EYA1: variants seen among roughly 807,000 people sequenced by gnomAD.
EYA1 encodes EYA transcriptional coactivator and phosphatase 1, also known as protein phosphatase EYA1.
A neutral mutation model predicts 82.0 loss-of-function variants in EYA1; 16 were observed. The observed-to-expected ratio is 0.20, with a 90% CI of 0.13 to 0.30. EYA1 has a LOEUF of 0.30. Among genes scored for constraint, EYA1 ranks in the 10% least tolerant of loss-of-function variants. The pLI, the probability that EYA1 is intolerant of heterozygous loss-of-function variation, is 1.00. For missense variants in EYA1, 633 were observed against 730.7 expected (o/e 0.87, Z 1.54); for synonymous variants, 261 against 264.4 (o/e 0.99, Z 0.12).
At chr8:71,357,141 G>A (rs1271552315) in intron 1 of EYA1, among the ~76,000 whole-genome samples, 1 of 152,196 alleles carries the variant, frequency 6.6e-6, no homozygotes, top group Non-Finnish European at 1.5e-5. Context: ...TCACTCCACT[G>A]AACAATGTGC....
At chr8:71,202,962 C>T (rs1347379958) in intron 17 of EYA1, among the ~76,000 whole-genome samples, 1 of 152,142 alleles carries the variant, frequency 6.6e-6, no homozygotes, top group African/African-American at 2.4e-5. Flanking sequence ...AGATTTTATG[C>T]ATTTATAAAA....
chr8:71,393,445 CT>C (rs1250029501), intron 2 of EYA1, among the ~76,000 whole-genome samples: 7 of 152,178 alleles, frequency 4.6e-5, no homozygotes, highest in African/African-American at 7.2e-5. Context: ...TCCCTCCCCC[CT>C]CCAACCACTC....
intron 10 of EYA1, among the ~76,000 whole-genome samples, chr8:71,271,259 T>C (rs1816497393): frequency 6.6e-6 from 1 of 152,246 alleles, no homozygotes; most frequent in Admixed American, 6.5e-5. Context: ...CTCTATCCCT[T>C]CAAGCATTTG....
chr8:71,517,059 T>G (rs1199221069), intron 2 of EYA1, among the ~76,000 whole-genome samples: 1 of 152,118 alleles, frequency 6.6e-6, no homozygotes, highest in Non-Finnish European at 1.5e-5. Flanking sequence ...TCAGTGCTCA[T>G]AGTTGGCCCC....
intron 2 of EYA1, among the ~76,000 whole-genome samples, chr8:71,534,430 T>C (rs1445096828): frequency 6.6e-6 from 1 of 152,238 alleles, no homozygotes; most frequent in Non-Finnish European, 1.5e-5. Context: ...ATCCATAAAA[T>C]ACACTCTGTA....
At chr8:71,470,928 T>C (rs1039044237) in intron 2 of EYA1, 8 of 452,014 alleles carry the variant, frequency 1.8e-5, no homozygotes, top group Non-Finnish European at 2.7e-5. Context: ...GCAGTGCCAA[T>C]GGGCTTTAAA....
At chr8:71,456,788 A>T (rs1022867559) in intron 2 of EYA1, among the ~76,000 whole-genome samples, 5 of 152,198 alleles carry the variant, frequency 3.3e-5, no homozygotes. Flanking sequence ...TAAAGGTTTG[A>T]CCTAAAACCA....
intron 2 of EYA1, among the ~76,000 whole-genome samples, chr8:71,458,149 T>A (rs2129186759): frequency 6.6e-6 from 1 of 152,290 alleles, no homozygotes; most frequent in South Asian, 2.1e-4. Flanking sequence ...AAATAGAATT[T>A]GACTTATATA....
Position 71,216,809 on chromosome 8 carries a change from T to C in EYA1, c.1243A>G (p.Ser415Gly). The stretch of plus-strand genomic sequence containing the variant: ...CCAGTTGCCAAACATAAGTTAGCAC[T>C]GGTTGCTGCAGCAGGAAAGCCATCT... Reference protein sequence around the residue: ...GTDGFPAAATSANLCLATGVR... With the variant: ...GTDGFPAAATGANLCLATGVR... The change falls in exon 14 of 18, where the codon AGT becomes GGT. Residue 415 changes from serine to glycine, a missense_variant. Ser to Gly is a moderately conservative substitution (Grantham distance 56, BLOSUM62 0). Coordinates refer to ENST00000340726, the MANE Select transcript of EYA1 (RefSeq NM_000503.6). 1 of 1,614,176 alleles carries C rather than the reference T, an allele frequency of 6.2e-7. No homozygotes were observed. Among genetic ancestry groups the C allele is most frequent in the Admixed American group, 1.7e-5 (1 of 60,012 alleles).
intron 17 of EYA1, among the ~76,000 whole-genome samples, chr8:71,202,696 T>C (rs1175781041): frequency 6.6e-6 from 1 of 152,160 alleles, no homozygotes; most frequent in Non-Finnish European, 1.5e-5. Context: ...ACTGGTAGAT[T>C]CTGGGGACAC....
intron 2 of EYA1, among the ~76,000 whole-genome samples, chr8:71,449,691 A>G (rs376938322): frequency 2.6e-5 from 4 of 152,216 alleles, no homozygotes; most frequent in African/African-American, 9.6e-5. Context: ...GCCCCTAACC[A>G]GAGAGTCAGC....
chr8:71,347,837 G>A (rs1227753592), intron 3 of EYA1, among the ~76,000 whole-genome samples: 1 of 143,590 alleles, frequency 7.0e-6, no homozygotes, highest in South Asian at 2.3e-4. Context: ...AATGTGTTTG[G>A]TAGAGTCTGT....
chr8:71,502,760 A>T (rs1158421205), intron 2 of EYA1, among the ~76,000 whole-genome samples: 2 of 152,202 alleles, frequency 1.3e-5, no homozygotes, highest in Non-Finnish European at 2.9e-5. Context: ...AACAGCCTTG[A>T]CTACCACCCA....
chr8:71,307,862 G>T (rs556989091), intron 7 of EYA1, among the ~76,000 whole-genome samples: 13 of 152,256 alleles, frequency 8.5e-5, no homozygotes, highest in African/African-American at 3.1e-4. Flanking sequence ...CTCCTAAGAA[G>T]GCTACTCACT....
At chr8:71,335,048 G>C (rs1004129241) in intron 3 of EYA1, among the ~76,000 whole-genome samples, 1 of 152,156 alleles carries the variant, frequency 6.6e-6, no homozygotes, top group African/African-American at 2.4e-5. Flanking sequence ...AAGTAGCATC[G>C]TTGTTTTCCT....
chr8:71,447,090 A>G (rs929495341), intron 2 of EYA1, among the ~76,000 whole-genome samples: 12 of 149,662 alleles, frequency 8.0e-5, no homozygotes, highest in Non-Finnish European at 1.6e-4. Context: ...CTTTATATAT[A>G]TATATATATA....
chr8:71,298,172 A>G (rs1460945807), intron 9 of EYA1, among the ~76,000 whole-genome samples: 1 of 152,194 alleles, frequency 6.6e-6, no homozygotes, highest in African/African-American at 2.4e-5. Flanking sequence ...TACTATGATT[A>G]TAATATCAGA....
intron 17 of EYA1, among the ~76,000 whole-genome samples, chr8:71,206,174 T>C (rs931671135): frequency 1.3e-5 from 2 of 152,158 alleles, no homozygotes; most frequent in Non-Finnish European, 2.9e-5. Flanking sequence ...TTCTTTTTTG[T>C]AAGTCAAGTC....
At chr8:71,494,034 A>AAAAAAAAAAC (rs1563672022) in intron 2 of EYA1, among the ~76,000 whole-genome samples, 15 of 148,738 alleles carry the variant, frequency 1.0e-4, no homozygotes, top group Middle Eastern at 3.5e-3. Flanking sequence ...AAAAAAAAAA[A>AAAAAAAAAAC]AAAAAAAAAA....
Sources: gnomAD v4.1 joint callset for allele counts (sites outside exome capture counted in the v4.1 genomes callset) on GRCh38, gnomAD v4.1.1 for gene constraint, MANE v1.5 for transcripts, NCBI Gene and HGNC (gene_info 2026-07-23, HGNC 2026-07-21) for gene names.